Variants in C11orf97 observed in about 807,000 individuals in gnomAD.
The protein encoded by C11orf97 is uncharacterized protein C11orf97.
In C11orf97, 15 loss-of-function variants were observed where a neutral mutation model predicts 16.2. That is an observed-to-expected ratio of 0.93 (90% CI 0.62 to 1.43). C11orf97 has a LOEUF of 1.43. Ranked by LOEUF, C11orf97 falls within the 40% of genes most tolerant of loss-of-function variation. The pLI is 0.00. For synonymous variants in C11orf97, 61 were observed against 65.7 expected, an observed-to-expected ratio of 0.93 and a Z score of 0.34; for missense variants, 171 against 161.2, an observed-to-expected ratio of 1.06 and a Z score of -0.33.
At chr11:94,531,848 C>T in intron 3 of C11orf97, 48 bp from the exon 4 acceptor site, 1 of 1,365,374 alleles carries the variant, frequency 7.3e-7, no homozygotes, top group South Asian at 1.5e-5. Context: ...TAAAGAGCAT[C>T]TCCCCGAAGT....
At chr11:94,523,779 G>A (rs1206149557) in intron 2 of C11orf97, among the ~76,000 whole-genome samples, 1 of 152,230 alleles carries the variant, frequency 6.6e-6, no homozygotes, top group East Asian at 1.9e-4. Flanking sequence ...TAGTTGTTCA[G>A]ACTGGGGCTC....
intron 2 of C11orf97, among the ~76,000 whole-genome samples, chr11:94,521,067 C>T (rs1275907374): frequency 6.6e-6 from 1 of 152,164 alleles, no homozygotes; most frequent in Non-Finnish European, 1.5e-5. Context: ...TAAAGGTCAC[C>T]CAGACATTCA....
chr11:94,529,096 C>T (rs1407240776), intron 3 of C11orf97, among the ~76,000 whole-genome samples: 4 of 152,132 alleles, frequency 2.6e-5, no homozygotes, highest in Non-Finnish European at 4.4e-5. Flanking sequence ...TACCCCGGTT[C>T]GCTCAGCTAA....
chr11:94,529,339 C>T (rs962410280), intron 3 of C11orf97, among the ~76,000 whole-genome samples: 8 of 151,988 alleles, frequency 5.3e-5, no homozygotes, highest in African/African-American at 1.9e-4. Flanking sequence ...AAAAATACAG[C>T]CACTAAGAAA....
At chr11:94,514,640 C>CTTTTTTTTTTTTTTTTTTTTTTT (rs10562282) in intron 1 of C11orf97, among the ~76,000 whole-genome samples, 3 of 82,472 alleles carry the variant, frequency 3.6e-5, no homozygotes, top group South Asian at 4.1e-4. Flanking sequence ...TTATTTTTGC[C>CTTTTTTTTTTTTTTTTTTTTTTT]TTTTTTTTTT....
intron 1 of C11orf97, 43 bp from the exon 2 acceptor site, chr11:94,517,540 C>A (rs1947620913): frequency 2.6e-6 from 3 of 1,168,822 alleles, no homozygotes; most frequent in Admixed American, 2.7e-5. Context: ...GAAGATTGGG[C>A]AGTATTTATA....
chr11:94,531,113 G>A (rs569592182), intron 3 of C11orf97, among the ~76,000 whole-genome samples: 1 of 152,240 alleles, frequency 6.6e-6, no homozygotes, highest in Admixed American at 6.5e-5. Context: ...TCTAAAGCAT[G>A]TTTCCATTAG....
At chr11:94,526,105 C>G (rs528244447) in intron 2 of C11orf97, among the ~76,000 whole-genome samples, 1 of 152,272 alleles carries the variant, frequency 6.6e-6, no homozygotes, top group East Asian at 1.9e-4. Flanking sequence ...TGAAGTCTTT[C>G]TGGCTCCGTG....
At position 94,532,074 on chromosome 11, in the gene C11orf97, A is replaced by C. The variant is rs930334307; in HGVS notation, c.*174A>C. 2.1e-5 allele frequency: 9 copies of C among 423,168 alleles called. No individual in the cohort carries two copies. Among genetic ancestry groups the C allele is most frequent in the Non-Finnish European group, 2.8e-5 (7 of 246,808 alleles). The allele number at this position is 423,168 out of a possible 1,614,324, so 26.2% of individuals were successfully genotyped here. On this transcript the variant is annotated 3_prime_UTR_variant, in exon 4 of 4. Transcript: ENST00000542198. The stretch of plus-strand genomic sequence containing the variant: ...AATTAATCCAAAGTAATGAAAGACT[A>C]TTGGTAATGTTCAGTAAGTACCTGA...
chr11:94,515,603 T>C (rs1390718615), intron 1 of C11orf97, among the ~76,000 whole-genome samples: 1 of 151,918 alleles, frequency 6.6e-6, no homozygotes. Flanking sequence ...CTCCTTTTTT[T>C]TCCTTTTCCT....
intron 3 of C11orf97, among the ~76,000 whole-genome samples, chr11:94,530,392 A>G (rs2135186951): frequency 6.6e-6 from 1 of 152,358 alleles, no homozygotes; most frequent in South Asian, 2.1e-4. Context: ...CAATTGATCA[A>G]TCTATATGTC....
At chr11:94,517,379 A>G (rs1329158301) in intron 1 of C11orf97, among the ~76,000 whole-genome samples, 1 of 152,240 alleles carries the variant, frequency 6.6e-6, no homozygotes, top group African/African-American at 2.4e-5. Context: ...AAGTTCAGGA[A>G]TTACATGAAA....
At chr11:94,526,477 T>C (rs1034697918) in intron 2 of C11orf97, among the ~76,000 whole-genome samples, 1 of 152,242 alleles carries the variant, frequency 6.6e-6, no homozygotes, top group African/African-American at 2.4e-5. Flanking sequence ...AGTACAATTC[T>C]TCCATCTAAT....
At chr11:94,522,714 T>C (rs1460808449) in intron 2 of C11orf97, among the ~76,000 whole-genome samples, 1 of 152,218 alleles carries the variant, frequency 6.6e-6, no homozygotes, top group African/African-American at 2.4e-5. Context: ...GAGGGGTACC[T>C]TAGTTTGGCT....
chr11:94,531,493 C>T (rs1442444816), intron 3 of C11orf97, among the ~76,000 whole-genome samples: 3 of 129,734 alleles, frequency 2.3e-5, no homozygotes, highest in Admixed American at 1.8e-4. Context: ...AACCTTTTAT[C>T]GTTTCCTTCT....
At chr11:94,528,325 C>A (rs895548031) in intron 3 of C11orf97, 116 bp downstream of exon 3, 1 of 979,316 alleles carries the variant, frequency 1.0e-6, no homozygotes. Context: ...CTTCCTTTGA[C>A]TTGTTTCTCT....
At chr11:94,513,990 A>G (rs1947588598) in intron 1 of C11orf97, among the ~76,000 whole-genome samples, 1 of 152,108 alleles carries the variant, frequency 6.6e-6, no homozygotes, top group Non-Finnish European at 1.5e-5. Flanking sequence ...TCGCATTTTT[A>G]GTAGAGACAG....
rs538008286 is a variant in C11orf97 at position 94,528,046 on chromosome 11, G to T, written c.251-38G>T. ...AAACTCTGTGCTAAAAAGAGAATAC[G>T]CTAATAATTATTTTCTTGCCTTAAA... On this transcript the variant is annotated intron_variant, in intron 2 of 3. Coordinates refer to ENST00000542198, the MANE Select transcript of C11orf97 (RefSeq NM_001190462.2). 5.2e-5 allele frequency: 78 copies of T among 1,494,130 alleles called. No individual in the cohort carries two copies. In the South Asian group the frequency reaches 9.2e-4, roughly 18 times the overall value. 92.6% of individuals were successfully genotyped at this position (1,494,130 alleles called of 1,614,324 possible). A position where few individuals can be genotyped will look rare whatever the true frequency, so the allele number is the denominator to read the frequency against.
At chr11:94,513,155 A>G (rs1226078701) in intron 1 of C11orf97, among the ~76,000 whole-genome samples, 2 of 152,154 alleles carry the variant, frequency 1.3e-5, no homozygotes, top group African/African-American at 4.8e-5. Flanking sequence ...AAATACTAAA[A>G]TCACTTTTAA....
Sources: allele counts gnomAD v4.1 joint callset (sites outside exome capture counted in the v4.1 genomes callset), GRCh38; gene constraint gnomAD v4.1.1; transcripts MANE v1.5; gene names NCBI Gene and HGNC (gene_info 2026-07-23, HGNC 2026-07-21).